The following EML1 variants were observed in gnomAD, a reference collection of about 807,000 sequenced individuals.
EML1 encodes the protein echinoderm microtubule-associated protein-like 1.
In EML1, 27 loss-of-function variants were observed where a neutral mutation model predicts 110.4. That is an observed-to-expected ratio of 0.24 (90% CI 0.18 to 0.34). EML1 has a LOEUF of 0.34. Ranked by LOEUF, EML1 falls within the 10% of genes least tolerant of loss-of-function variation. EML1 has a pLI of 1.00. For missense variants in EML1, 741 were observed against 1,030.9 expected (o/e 0.72, Z 3.85); for synonymous variants, 344 against 385.8 (o/e 0.89, Z 1.27).
intron 9 of EML1, among the ~76,000 whole-genome samples, chr14:99,903,770 T>C (rs1157976826): frequency 6.8e-6 from 1 of 147,212 alleles, no homozygotes; most frequent in East Asian, 2.0e-4. Flanking sequence ...CAAAATCTCA[T>C]AGATAAATCT....
chr14:99,883,086 C>T (rs2059415081), intron 4 of EML1, among the ~76,000 whole-genome samples: 1 of 152,172 alleles, frequency 6.6e-6, no homozygotes, highest in African/African-American at 2.4e-5. Context: ...CAACAGTACT[C>T]CTTGGCTGGG....
At chr14:99,892,120 C>G in intron 5 of EML1, 1 of 985,406 alleles carries the variant, frequency 1.0e-6, no homozygotes, top group Non-Finnish European at 1.2e-6. Context: ...TTGCAGTACT[C>G]CACCGTCTCT....
chr14:99,879,704 A>G (rs912299677), intron 4 of EML1, among the ~76,000 whole-genome samples: 1 of 152,202 alleles, frequency 6.6e-6, no homozygotes, highest in African/African-American at 2.4e-5. Context: ...TCTCATTTAG[A>G]CTATTAGTAC....
upstream of EML1, among the ~76,000 whole-genome samples, chr14:99,790,498 C>T (rs1244447392): frequency 1.3e-5 from 2 of 152,062 alleles, no homozygotes; most frequent in East Asian, 1.9e-4. Context: ...CCACCACACC[C>T]GGCTTTAAAG....
At position 99,774,325 on chromosome 14, in the gene EML1, T is replaced by C. The variant is rs1460627652; in HGVS notation, c.-27+312T>C. On this transcript the variant is annotated intron_variant, in intron 1 of 22. Coordinates refer to the EML1 transcript ENST00000327921. Reference sequence around the variant, plus strand: ...CCTCCACCCTAACCCGCATCCACGCTCCTCACCACATTGTTCTTAGGCAGC... The same window carrying C: ...CCTCCACCCTAACCCGCATCCACGCCCCTCACCACATTGTTCTTAGGCAGC... Among the ~76,000 whole-genome samples, 3 of 152,116 alleles carry C rather than the reference T, an allele frequency of 2.0e-5. No individual in the cohort carries two copies. The East Asian group carries it at 5.8e-4, about 29-fold the overall frequency.
chr14:99,897,235 A>G lies in EML1; in HGVS notation c.768A>G (p.Leu256=). The G allele has an allele frequency of 6.2e-7, 1 of 1,613,238 alleles. No homozygotes were observed. Among genetic ancestry groups the G allele is most frequent in the Non-Finnish European group, 8.5e-7 (1 of 1,179,674 alleles). Residue 256 remains leucine (L), a synonymous_variant, in exon 7 of 22, where the codon TTA becomes TTG. Transcript: ENST00000262233. ...TVYFIASVVV[L]YNVEEQLQRH... is the part of the protein sequence containing the mutation. ...ACTTCATCGCATCCGTGGTGGTGTT[A>G]TACAACGTGGAGGAGCAACTGCAGA...
At chr14:99,800,128 AT>A (rs2057847907) in intron 1 of EML1, among the ~76,000 whole-genome samples, 1 of 152,156 alleles carries the variant, frequency 6.6e-6, no homozygotes, top group African/African-American at 2.4e-5. Flanking sequence ...CTGTATAATT[AT>A]TATTGATACC....
chr14:99,911,616 T>G, intron 13 of EML1, 40 bp downstream of exon 13: 1 of 1,589,176 alleles, frequency 6.3e-7, no homozygotes, highest in South Asian at 1.2e-5. Context: ...GTTTTTAACC[T>G]TAAACTGTTA....
intron 16 of EML1, among the ~76,000 whole-genome samples, chr14:99,920,346 T>C (rs532239153): frequency 3.3e-5 from 5 of 152,200 alleles, no homozygotes; most frequent in South Asian, 4.2e-4. Context: ...TGCAGCACCA[T>C]TGGGAACACC....
At chr14:99,763,867 G>C (rs1486746304) in intron 1 of EML1, among the ~76,000 whole-genome samples, 1 of 152,180 alleles carries the variant, frequency 6.6e-6, no homozygotes, top group Non-Finnish European at 1.5e-5. Context: ...CCTCTGCCAT[G>C]CAAGGTGGAG....
chr14:99,861,063 A>G (rs1343279697), intron 2 of EML1, among the ~76,000 whole-genome samples: 2 of 152,248 alleles, frequency 1.3e-5, no homozygotes, highest in African/African-American at 2.4e-5. Context: ...TTATCACTCA[A>G]GAAAGAATGA....
chr14:99,841,819 G>A (rs574183994), intron 1 of EML1, among the ~76,000 whole-genome samples: 12 of 152,230 alleles, frequency 7.9e-5, no homozygotes, highest in South Asian at 2.1e-4. Flanking sequence ...GTGGGAGATC[G>A]TTCCCCAATA....
At chr14:99,768,866 C>T (rs975253775), upstream of EML1, among the ~76,000 whole-genome samples, 4 of 151,940 alleles carry the variant, frequency 2.6e-5, no homozygotes, top group Non-Finnish European at 4.4e-5. Context: ...TACAGGCACC[C>T]GCCACCATGC....
At chr14:99,793,277 G>C, upstream of EML1, 1 of 962,578 alleles carries the variant, frequency 1.0e-6, no homozygotes, top group Non-Finnish European at 1.2e-6. Context: ...CCGCCCCCTC[G>C]CGGGCGGAGC....
chr14:99,905,109 A>G lies in EML1; in HGVS notation c.1009-2529A>G, dbSNP rs2059822336. On this transcript the variant is annotated intron_variant, in intron 9 of 21. Coordinates refer to ENST00000262233, the MANE Select transcript of EML1 (RefSeq NM_004434.3). The surrounding 1 kb of genome is among the most constrained non-coding windows in gnomAD (Gnocchi z 4.1). ...ATTCTTACCATTTTGCTGGCATGCC[A>G]GGCTTCTGGGTTCCCTTTCCCTGAG... Among the ~76,000 whole-genome samples, 1 of 152,188 alleles carries G rather than the reference A, an allele frequency of 6.6e-6. No homozygotes were observed. Among genetic ancestry groups the G allele is most frequent in the Non-Finnish European group, 1.5e-5 (1 of 68,028 alleles).
intron 1 of EML1, among the ~76,000 whole-genome samples, chr14:99,844,084 T>C (rs998509662): frequency 6.6e-6 from 1 of 152,242 alleles, no homozygotes; most frequent in African/African-American, 2.4e-5. Flanking sequence ...GGACAGTCTC[T>C]TTCCCTTGAG....
intron 17 of EML1, among the ~76,000 whole-genome samples, chr14:99,926,116 A>G (rs2060228824): frequency 6.6e-6 from 1 of 152,174 alleles, no homozygotes; most frequent in Non-Finnish European, 1.5e-5. Context: ...TTTCAAATAA[A>G]CAACACTTCT....
At chr14:99,874,410 G>C (rs1174070654) in intron 3 of EML1, among the ~76,000 whole-genome samples, 3 of 152,196 alleles carry the variant, frequency 2.0e-5, no homozygotes, top group Non-Finnish European at 4.4e-5. Flanking sequence ...TTATTGCACA[G>C]TCTCTCACAA....
intron 9 of EML1, among the ~76,000 whole-genome samples, chr14:99,903,760 C>T (rs4905914): frequency 0.69 from 103,242 of 148,748 alleles, 36,892 homozygotes; most frequent in African/African-American, 0.88. Flanking sequence ...ATATTCTTAA[C>T]AAAATCTCAT....
Sources: gnomAD v4.1 joint callset for allele counts (sites outside exome capture counted in the v4.1 genomes callset) on GRCh38, gnomAD v4.1.1 for gene constraint, Gnocchi (gnomAD v3.1) non-coding constraint, MANE v1.5 for transcripts, NCBI Gene and HGNC (gene_info 2026-07-23, HGNC 2026-07-21) for gene names.